Variants in ZHX2 observed in about 807,000 individuals in gnomAD.
ZHX2 encodes zinc fingers and homeoboxes protein 2.
A neutral mutation model predicts 21.9 loss-of-function variants in ZHX2; 6 were observed. The ratio of observed to expected loss-of-function variants is 0.27; its 90% CI spans 0.15 to 0.54. The LOEUF is 0.54. Among genes scored for constraint, ZHX2 ranks in the 20% least tolerant of loss-of-function variants. ZHX2 has a pLI of 0.95. For synonymous variants in ZHX2, 434 were observed against 437.1 expected (o/e 0.99, Z 0.09); for missense variants, 908 against 1,090.7 (o/e 0.83, Z 2.36).
At chr8:122,857,142 T>G (rs939426520) in intron 1 of ZHX2, among the ~76,000 whole-genome samples, 7 of 152,206 alleles carry the variant, frequency 4.6e-5, no homozygotes, top group Non-Finnish European at 8.8e-5. Flanking sequence ...TATCCTCCTA[T>G]GCCTCTCTGT....
At chr8:122,910,389 G>C (rs571353128) in intron 2 of ZHX2, among the ~76,000 whole-genome samples, 73 of 152,246 alleles carry the variant, frequency 4.8e-4, no homozygotes, top group Non-Finnish European at 4.4e-4. Context: ...ACCTGATGGA[G>C]GTTTGCATTT....
intron 1 of ZHX2, among the ~76,000 whole-genome samples, chr8:122,787,391 G>A (rs983674602): frequency 2.6e-5 from 4 of 152,188 alleles, no homozygotes; most frequent in African/African-American, 4.8e-5. Context: ...AACAGAATCT[G>A]CAGTGAATGA....
At chr8:122,936,470 C>T (rs1812693498) in intron 2 of ZHX2, among the ~76,000 whole-genome samples, 2 of 152,196 alleles carry the variant, frequency 1.3e-5, no homozygotes, top group African/African-American at 2.4e-5. Flanking sequence ...CCAAGAATGA[C>T]AGGTAACCCT....
chr8:122,927,889 C>A (rs55924350), intron 2 of ZHX2, among the ~76,000 whole-genome samples: 2,825 of 152,234 alleles, frequency 0.019, 49 homozygotes, highest in Middle Eastern at 0.034. Context: ...GTACTGGAGG[C>A]AAGCTTGGGA....
chr8:122,873,334 G>A (rs903644400), intron 2 of ZHX2, among the ~76,000 whole-genome samples: 20 of 152,246 alleles, frequency 1.3e-4, no homozygotes, highest in Non-Finnish European at 5.9e-5. Flanking sequence ...TTCCACATGC[G>A]GGTCCCCCTC....
chr8:122,829,649 G>A (rs975145714), intron 1 of ZHX2, among the ~76,000 whole-genome samples: 1 of 152,186 alleles, frequency 6.6e-6, no homozygotes, highest in Non-Finnish European at 1.5e-5. Context: ...AAGTGCTGAG[G>A]AACAGGGTAG....
intron 3 of ZHX2, among the ~76,000 whole-genome samples, 197 bp from the exon 4 acceptor site, chr8:122,973,045 T>A (rs985653035): frequency 6.6e-6 from 1 of 152,112 alleles, no homozygotes; most frequent in African/African-American, 2.4e-5. Context: ...CGGACTGTGC[T>A]CAGAAAACAC....
intron 1 of ZHX2, among the ~76,000 whole-genome samples, chr8:122,833,902 C>T (rs1818439391): frequency 6.6e-6 from 1 of 151,780 alleles, no homozygotes; most frequent in Non-Finnish European, 1.5e-5. Flanking sequence ...GAGGCTGAGG[C>T]AGGAGAATGG....
At chr8:122,893,767 C>A (rs1288106068) in intron 2 of ZHX2, among the ~76,000 whole-genome samples, 1 of 152,142 alleles carries the variant, frequency 6.6e-6, no homozygotes, top group Non-Finnish European at 1.5e-5. Flanking sequence ...TTGTATCTTG[C>A]TGAATTTCTT....
chr8:122,952,816 C>A lies in ZHX2; in HGVS notation c.1306C>A (p.Pro436Thr), dbSNP rs745393739. 1 of 1,614,144 alleles carries A rather than the reference C, an allele frequency of 6.2e-7. No homozygotes were observed. The highest frequency in any genetic ancestry group is 1.1e-5 in the South Asian group (1 of 91,084). ...AGAGCCCCCACCCAAGGTGGCCAAC[C>A]CCCCGCTCACACCAGCCAGTGACCG... Reference protein sequence around the residue: ...VPEPPPKVANPPLTPASDRKK... With the variant: ...VPEPPPKVANTPLTPASDRKK... The change falls in exon 3 of 4, where the codon CCC becomes ACC. Residue 436 changes from proline to threonine, a missense_variant. This residue lies in a region of ZHX2 where 232 missense variants were observed against 361.8 expected (regional missense o/e 0.64). Coordinates refer to ENST00000314393, the MANE Select transcript of ZHX2 (RefSeq NM_014943.5). The surrounding 1 kb of genome is among the most constrained non-coding windows in gnomAD (Gnocchi z 6.9).
chr8:122,866,283 C>G (rs889381290), intron 2 of ZHX2, among the ~76,000 whole-genome samples: 1 of 152,206 alleles, frequency 6.6e-6, no homozygotes, highest in Non-Finnish European at 1.5e-5. Context: ...AACAGCGTGT[C>G]GCCAGATTCC....
chr8:122,887,909 C>G (rs1293109546), intron 2 of ZHX2, among the ~76,000 whole-genome samples: 1 of 152,186 alleles, frequency 6.6e-6, no homozygotes, highest in Non-Finnish European at 1.5e-5. Context: ...CATCAGGGGA[C>G]AGTGTGCAGC....
intron 2 of ZHX2, among the ~76,000 whole-genome samples, chr8:122,877,721 G>A (rs918820606): frequency 3.3e-5 from 5 of 152,210 alleles, no homozygotes; most frequent in African/African-American, 1.2e-4. Flanking sequence ...GAAGGCTGAT[G>A]CATTTTCATG....
chr8:122,799,934 G>C (rs1429399841), intron 1 of ZHX2, among the ~76,000 whole-genome samples: 1 of 152,060 alleles, frequency 6.6e-6, no homozygotes, highest in African/African-American at 2.4e-5. Context: ...TGTGACCTTA[G>C]CTCACTGCAA....
chr8:122,828,740 A>C lies in ZHX2; in HGVS notation c.-282-34737A>C, dbSNP rs1818312527. Among the ~76,000 whole-genome samples the C allele has an allele frequency of 6.6e-6, 1 of 152,186 alleles. No homozygotes were observed. Among genetic ancestry groups the C allele is most frequent in the Non-Finnish European group, 1.5e-5 (1 of 68,028 alleles). On this transcript the variant is annotated intron_variant, in intron 1 of 3. Transcript: ENST00000314393. The surrounding 1 kb of genome is among the most constrained non-coding windows in gnomAD (Gnocchi z 5.2). ...TTCCCACGCTTCGCAGGGCTGATGG[A>C]TCGTGCCTGCAAAGGGGTTCTTGGA...
intron 2 of ZHX2, among the ~76,000 whole-genome samples, chr8:122,935,171 T>C (rs187773276): frequency 6.6e-6 from 1 of 152,100 alleles, no homozygotes; most frequent in East Asian, 1.9e-4. Context: ...TTTTTTTATC[T>C]ATTTGAAGCT....
At chr8:122,913,407 C>T (rs1202205038) in intron 2 of ZHX2, among the ~76,000 whole-genome samples, 1 of 152,236 alleles carries the variant, frequency 6.6e-6, no homozygotes, top group African/African-American at 2.4e-5. Context: ...AACCACTCTA[C>T]TCCTCAGCAG....
chr8:122,947,944 G>A (rs1189278787), intron 2 of ZHX2, among the ~76,000 whole-genome samples: 6 of 152,186 alleles, frequency 3.9e-5, no homozygotes, highest in African/African-American at 1.4e-4. Flanking sequence ...GCGGAGGCTG[G>A]AGGTGGCGGT....
rs535549778 is a variant in ZHX2 at position 122,952,143 on chromosome 8, C to G, written c.633C>G (p.His211Gln). The G allele has an allele frequency of 6.2e-7, 1 of 1,613,652 alleles. No homozygotes were observed. The highest frequency in any genetic ancestry group is 1.3e-5 in the African/African-American group (1 of 74,776). The change falls in exon 3 of 4, where the codon CAC becomes CAG. Residue 211 changes from histidine (H) to glutamine (Q), a missense_variant. Physicochemically the swap from His to Gln is conservative, Grantham distance 24. Transcript: ENST00000314393. The surrounding 1 kb of genome is among the most constrained non-coding windows in gnomAD (Gnocchi z 6.9). ...CCGAGGAGATCACCCCCGAGAACCA[C>G]GTGGAAGGGACCGCCCGCCTGGTGA... is the stretch of plus-strand genomic sequence containing the variant. ...KKPEEITPENHVEGTARLVTD... is the reference protein window; with the variant it reads ...KKPEEITPENQVEGTARLVTD...
Sources: allele counts gnomAD v4.1 joint callset (sites outside exome capture counted in the v4.1 genomes callset), GRCh38; gene constraint gnomAD v4.1.1; regional missense constraint gnomAD v4.1.1; non-coding constraint Gnocchi (gnomAD v3.1); transcripts MANE v1.5; gene names NCBI Gene and HGNC (gene_info 2026-07-23, HGNC 2026-07-21).